The following FBXL7 variants were observed in gnomAD, a reference collection of about 807,000 sequenced individuals.
FBXL7 encodes the protein F-box/LRR-repeat protein 7.
In FBXL7, 12 loss-of-function variants were observed where a neutral mutation model predicts 38.3. That is an observed-to-expected ratio of 0.31 (90% CI 0.20 to 0.51). The LOEUF is 0.51. Ranked by LOEUF, FBXL7 falls within the 20% of genes least tolerant of loss-of-function variation. The probability of loss-of-function intolerance (pLI) is 0.98; values close to 1 mark genes in which losing one functional copy is unlikely to be tolerated. For missense variants in FBXL7, 567 were observed against 676.4 expected, an observed-to-expected ratio of 0.84 and a Z score of 1.79; for synonymous variants, 297 against 300.9, an observed-to-expected ratio of 0.99 and a Z score of 0.13.
chr5:15,766,115 A>G (rs1232397821), intron 2 of FBXL7, among the ~76,000 whole-genome samples: 1 of 150,906 alleles, frequency 6.6e-6, no homozygotes, highest in Non-Finnish European at 1.5e-5. Flanking sequence ...CTCTGCAAAC[A>G]CCATATTGTT....
chr5:15,832,309 A>C (rs191354460), intron 2 of FBXL7, among the ~76,000 whole-genome samples: 1 of 152,154 alleles, frequency 6.6e-6, no homozygotes. Flanking sequence ...ATATCATGAA[A>C]TATTATTTTG....
At chr5:15,629,305 G>A (rs1010918977) in intron 2 of FBXL7, among the ~76,000 whole-genome samples, 1 of 152,102 alleles carries the variant, frequency 6.6e-6, no homozygotes, top group Non-Finnish European at 1.5e-5. Flanking sequence ...TGAGACACAA[G>A]TATGGGAGTC....
intron 1 of FBXL7, among the ~76,000 whole-genome samples, chr5:15,575,727 G>A (rs936787137): frequency 6.6e-5 from 10 of 152,170 alleles, no homozygotes; most frequent in African/African-American, 1.9e-4. Context: ...AAACTGGCAT[G>A]CAATAACATA....
At chr5:15,865,939 T>C (rs897447998) in intron 2 of FBXL7, among the ~76,000 whole-genome samples, 1 of 152,202 alleles carries the variant, frequency 6.6e-6, no homozygotes, top group Non-Finnish European at 1.5e-5. Context: ...ATAAAGTAAC[T>C]GCTCCCTCCC....
At chr5:15,752,171 A>AGG (rs36012828) in intron 2 of FBXL7, among the ~76,000 whole-genome samples, 105,300 of 151,914 alleles carry the variant, frequency 0.69, 37,165 homozygotes, top group East Asian at 0.83. Flanking sequence ...GCAGGGGGCT[A>AGG]GGAGGGATAA....
intron 1 of FBXL7, among the ~76,000 whole-genome samples, chr5:15,505,066 G>C (rs976829750): frequency 6.6e-6 from 1 of 152,182 alleles, no homozygotes; most frequent in Non-Finnish European, 1.5e-5. Context: ...TCTCAGATCG[G>C]TGCTGTCAGA....
At chr5:15,747,564 A>G (rs140000033) in intron 2 of FBXL7, among the ~76,000 whole-genome samples, 2 of 152,368 alleles carry the variant, frequency 1.3e-5, no homozygotes, top group Non-Finnish European at 2.9e-5. Flanking sequence ...AGCAGTAGCT[A>G]TTATTTCAGC....
intron 2 of FBXL7, among the ~76,000 whole-genome samples, chr5:15,648,324 G>A (rs1741602677): frequency 6.6e-6 from 1 of 152,154 alleles, no homozygotes; most frequent in African/African-American, 2.4e-5. Flanking sequence ...CACCTGCTTT[G>A]TCATTGAAGT....
intron 1 of FBXL7, among the ~76,000 whole-genome samples, chr5:15,613,249 TAC>T (rs1740315624): frequency 1.3e-5 from 2 of 152,156 alleles, no homozygotes; most frequent in African/African-American, 4.8e-5. Context: ...CCCTACCAGA[TAC>T]AGACACTAGG....
At chr5:15,863,088 T>C (rs970742167) in intron 2 of FBXL7, among the ~76,000 whole-genome samples, 5 of 152,092 alleles carry the variant, frequency 3.3e-5, no homozygotes, top group Non-Finnish European at 7.4e-5. Flanking sequence ...TATAGCAAAG[T>C]GTTTAAACAG....
intron 2 of FBXL7, among the ~76,000 whole-genome samples, chr5:15,829,225 C>T (rs964667995): frequency 6.6e-6 from 1 of 152,090 alleles, no homozygotes; most frequent in Non-Finnish European, 1.5e-5. Context: ...TCATTTTTAT[C>T]CTTGTCTTCT....
intron 2 of FBXL7, among the ~76,000 whole-genome samples, chr5:15,714,550 G>C (rs935178721): frequency 1.3e-5 from 2 of 151,490 alleles, no homozygotes; most frequent in African/African-American, 4.9e-5. Flanking sequence ...GTAATCACAA[G>C]GGTCCTTGTA....
At position 15,937,105 on chromosome 5, in the gene FBXL7, G is replaced by A. The variant is rs539533521; in HGVS notation, c.1395G>A (p.Glu465=). The change falls in exon 4 of 4, where the codon GAG becomes GAA. Residue 465 remains glutamate, a synonymous_variant. Transcript: ENST00000504595. The part of the protein sequence containing the change: ...DLQTLNVQDC[E]VSVEALRFVK... Reference sequence around the variant, plus strand: ...AGACGCTGAATGTCCAGGACTGCGAGGTCTCCGTGGAGGCCCTGCGCTTTG... The same window carrying A: ...AGACGCTGAATGTCCAGGACTGCGAAGTCTCCGTGGAGGCCCTGCGCTTTG... 1.6e-5 allele frequency: 26 copies of A among 1,613,756 alleles called. No homozygotes were observed. In the African/African-American group the frequency reaches 2.8e-4, roughly 17 times the overall value.
chr5:15,595,906 A>G (rs1739612340), intron 1 of FBXL7, among the ~76,000 whole-genome samples: 1 of 152,184 alleles, frequency 6.6e-6, no homozygotes, highest in Admixed American at 6.5e-5. Flanking sequence ...TCATGAGGTC[A>G]ATGAGAGTAG....
At chr5:15,669,407 C>G (rs1490395017) in intron 2 of FBXL7, among the ~76,000 whole-genome samples, 2 of 152,174 alleles carry the variant, frequency 1.3e-5, no homozygotes, top group African/African-American at 4.8e-5. Flanking sequence ...TCTGACCCAA[C>G]AGTGCATTTA....
At chr5:15,550,438 AAGGAT>A (rs887898038) in intron 1 of FBXL7, among the ~76,000 whole-genome samples, 23 of 152,258 alleles carry the variant, frequency 1.5e-4, no homozygotes, top group African/African-American at 5.1e-4. Context: ...AAATAGGCCA[AAGGAT>A]AGACTTCTGG....
At chr5:15,905,105 A>C (rs1741324440) in intron 2 of FBXL7, among the ~76,000 whole-genome samples, 1 of 152,206 alleles carries the variant, frequency 6.6e-6, no homozygotes, top group Non-Finnish European at 1.5e-5. Context: ...GACTCTTGAC[A>C]TTGCCAAAAG....
intron 2 of FBXL7, among the ~76,000 whole-genome samples, chr5:15,715,654 G>A (rs1046087894): frequency 1.3e-5 from 2 of 152,184 alleles, no homozygotes; most frequent in African/African-American, 4.8e-5. Flanking sequence ...CTGTGTTTCA[G>A]TAAAATATTA....
At chr5:15,536,681 A>G (rs1345042925) in intron 1 of FBXL7, among the ~76,000 whole-genome samples, 1 of 152,306 alleles carries the variant, frequency 6.6e-6, no homozygotes, top group East Asian at 1.9e-4. Flanking sequence ...TTTTGATTTT[A>G]CAGGCTCATA....
Sources: allele counts gnomAD v4.1 joint callset (sites outside exome capture counted in the v4.1 genomes callset), GRCh38; gene constraint gnomAD v4.1.1; transcripts MANE v1.5; gene names NCBI Gene and HGNC (gene_info 2026-07-23, HGNC 2026-07-21).